RGS20: variants seen among roughly 807,000 people sequenced by gnomAD.
RGS20 encodes gz-selective GTPase-activating protein.
A neutral mutation model predicts 33.6 loss-of-function variants in RGS20; 30 were observed. The observed-to-expected ratio is 0.89, with a 90% CI of 0.67 to 1.21. RGS20 has a LOEUF of 1.21. RGS20 is among the 50% of genes most tolerant of loss of function. The probability of loss-of-function intolerance (pLI) is 0.00; values close to 1 mark genes in which losing one functional copy is unlikely to be tolerated. For synonymous variants in RGS20, 208 were observed against 197.9 expected (o/e 1.05, Z -0.43); for missense variants, 472 against 502.4 (o/e 0.94, Z 0.58).
At chr8:53,957,893 T>C (rs567260584) in intron 5 of RGS20, among the ~76,000 whole-genome samples, 130 of 152,308 alleles carry the variant, frequency 8.5e-4, no homozygotes, top group African/African-American at 2.9e-3. Flanking sequence ...ATGCCTGTAA[T>C]CCCAGCAGCT....
chr8:53,958,852 C>T lies in RGS20; in HGVS notation c.*394C>T, dbSNP rs1332363240. 6.6e-6 allele frequency: 1 copy of T among 152,450 alleles called. No individual in the cohort carries two copies. The highest frequency in any genetic ancestry group is 1.5e-5 in the Non-Finnish European group (1 of 68,244). 9.4% of individuals were successfully genotyped at this position (152,450 alleles called of 1,614,324 possible). A position where few individuals can be genotyped will look rare whatever the true frequency, so the allele number is the denominator to read the frequency against. On this transcript the variant is annotated 3_prime_UTR_variant, in exon 6 of 6. Coordinates refer to ENST00000297313, the MANE Select transcript of RGS20 (RefSeq NM_170587.4). ...ACTCTCCCCTCAAAGAAAAGACATT[C>T]AGGTGTTTCTCAACGACATCTTCTG...
intron 3 of RGS20, among the ~76,000 whole-genome samples, chr8:53,942,415 T>A (rs2129290561): frequency 6.6e-6 from 1 of 151,750 alleles, no homozygotes; most frequent in Admixed American, 6.6e-5. Flanking sequence ...ATGATGATTG[T>A]GCCATTGCAC....
chr8:53,913,401 A>G (rs1813401443), intron 2 of RGS20: 1 of 152,224 alleles, frequency 6.6e-6, no homozygotes, highest in Admixed American at 6.5e-5. Flanking sequence ...TCCTCACTCC[A>G]CGTTGGACAT....
intron 2 of RGS20, chr8:53,881,047 G>A (rs1467755194): frequency 6.4e-7 from 1 of 1,565,144 alleles, no homozygotes; most frequent in Non-Finnish European, 8.6e-7. Context: ...GAGCCGGCCG[G>A]GGCTTCCTCC....
chr8:53,909,897 TTCTC>T (rs1347464097), intron 2 of RGS20, among the ~76,000 whole-genome samples: 1 of 152,200 alleles, frequency 6.6e-6, no homozygotes, highest in African/African-American at 2.4e-5. Flanking sequence ...TGGGTGTGTA[TTCTC>T]TCTCTTTCCT....
At chr8:53,935,582 A>G (rs1240525102) in intron 2 of RGS20, among the ~76,000 whole-genome samples, 1 of 152,226 alleles carries the variant, frequency 6.6e-6, no homozygotes, top group African/African-American at 2.4e-5. Flanking sequence ...GAATAGAACA[A>G]TAACAAGTTC....
intron 2 of RGS20, among the ~76,000 whole-genome samples, chr8:53,911,583 T>A (rs1813347446): frequency 6.6e-6 from 1 of 152,142 alleles, no homozygotes; most frequent in Non-Finnish European, 1.5e-5. Flanking sequence ...TAGTAGAAGA[T>A]CCTAAACTAC....
intron 1 of RGS20, among the ~76,000 whole-genome samples, chr8:53,873,920 T>C (rs1224652048): frequency 2.0e-5 from 3 of 152,156 alleles, no homozygotes; most frequent in Non-Finnish European, 4.4e-5. Flanking sequence ...GGAGCCGGGA[T>C]GGGTGCAGTG....
At position 53,927,045 on chromosome 8, in the gene RGS20, A is replaced by G. The variant is rs541144836; in HGVS notation, c.511-12531A>G. Among the ~76,000 whole-genome samples the G allele has an allele frequency of 8.5e-5, 13 of 152,314 alleles. No individual in the cohort carries two copies. The South Asian group carries it at 2.3e-3, about 27-fold the overall frequency. On this transcript the variant is annotated intron_variant, in intron 2 of 5. Transcript: ENST00000297313. ...AAATTAAGAGTTTGCCTTGGCTTTT[A>G]GTTGAATTTTGAAAGGCCTCTTAGA...
intron 1 of RGS20, among the ~76,000 whole-genome samples, chr8:53,863,877 C>T (rs918308865): frequency 6.6e-6 from 1 of 151,818 alleles, no homozygotes; most frequent in Non-Finnish European, 1.5e-5. Flanking sequence ...CAGGCTCATG[C>T]CACCACACCC....
chr8:53,863,553 A>G (rs555088489), intron 1 of RGS20, among the ~76,000 whole-genome samples: 11 of 152,266 alleles, frequency 7.2e-5, no homozygotes, highest in African/African-American at 2.6e-4. Context: ...GAGTACTTGA[A>G]GATGTCCTTT....
At chr8:53,917,415 C>T (rs1269539285) in intron 2 of RGS20, among the ~76,000 whole-genome samples, 1 of 152,180 alleles carries the variant, frequency 6.6e-6, no homozygotes, top group Non-Finnish European at 1.5e-5. Flanking sequence ...TCCCAAAGTG[C>T]AGGGATTATA....
chr8:53,933,877 A>G (rs1257296878), intron 2 of RGS20, among the ~76,000 whole-genome samples: 1 of 152,246 alleles, frequency 6.6e-6, no homozygotes, highest in Non-Finnish European at 1.5e-5. Flanking sequence ...GGTTACCCAC[A>G]AAGGGAAGCC....
Position 53,936,491 on chromosome 8 carries a change from G to A in RGS20, c.511-3085G>A, listed in dbSNP as rs10099151. ...GAGAGCCAAATCATGAGTGAACTCC[G>A]ATTCACAATTGCTTCAAAGAGAATA... On this transcript the variant is annotated intron_variant, in intron 2 of 5. Transcript: ENST00000297313. Among the ~76,000 whole-genome samples, 43 of 151,916 alleles carry A rather than the reference G, an allele frequency of 2.8e-4. No individual in the cohort carries two copies. In the South Asian group the frequency reaches 4.2e-3, roughly 15 times the overall value.
intron 2 of RGS20, among the ~76,000 whole-genome samples, chr8:53,899,488 T>C (rs1336109807): frequency 6.6e-6 from 1 of 152,184 alleles, no homozygotes; most frequent in Non-Finnish European, 1.5e-5. Context: ...TTCATAGAGA[T>C]GTGTAACCAT....
chr8:53,872,814 C>T (rs889647797), intron 1 of RGS20, among the ~76,000 whole-genome samples: 3 of 152,116 alleles, frequency 2.0e-5, no homozygotes, highest in Admixed American at 1.3e-4. Flanking sequence ...ACTTCTTGGG[C>T]GCCTCTCAGC....
intron 2 of RGS20, among the ~76,000 whole-genome samples, chr8:53,885,982 T>C (rs951979488): frequency 1.3e-5 from 2 of 152,100 alleles, no homozygotes; most frequent in African/African-American, 4.8e-5. Flanking sequence ...ATGTGTCAAG[T>C]TAGGTCCCAA....
intron 2 of RGS20, among the ~76,000 whole-genome samples, chr8:53,906,159 T>C (rs1349179944): frequency 6.6e-6 from 1 of 152,070 alleles, no homozygotes; most frequent in Non-Finnish European, 1.5e-5. Context: ...TTCATGCTTG[T>C]AATCCCAGCA....
intron 2 of RGS20, among the ~76,000 whole-genome samples, chr8:53,931,735 G>T (rs922561019): frequency 6.6e-6 from 1 of 152,142 alleles, no homozygotes; most frequent in Non-Finnish European, 1.5e-5. Flanking sequence ...AGACAGTTGG[G>T]TGCAGCCCAC....
Sources: allele counts gnomAD v4.1 joint callset (sites outside exome capture counted in the v4.1 genomes callset), GRCh38; gene constraint gnomAD v4.1.1; transcripts MANE v1.5; gene names NCBI Gene and HGNC (gene_info 2026-07-23, HGNC 2026-07-21).